The following NHLRC2 variants were observed in gnomAD, a reference collection of about 807,000 sequenced individuals.
The protein encoded by NHLRC2 is NHL repeat containing 2.
A neutral mutation model predicts 68.1 loss-of-function variants in NHLRC2; 33 were observed. That is an observed-to-expected ratio of 0.48 (90% CI 0.37 to 0.65). The LOEUF is 0.65. Ranked by LOEUF, NHLRC2 falls within the 30% of genes least tolerant of loss-of-function variation. NHLRC2 has a pLI of 0.00. For synonymous variants in NHLRC2, 311 were observed against 309.6 expected, an observed-to-expected ratio of 1.00 and a Z score of -0.05; for missense variants, 761 against 853.8, an observed-to-expected ratio of 0.89 and a Z score of 1.35.
intron 3 of NHLRC2, among the ~76,000 whole-genome samples, chr10:113,879,211 C>T (rs1846014356): frequency 6.6e-6 from 1 of 152,052 alleles, no homozygotes; most frequent in South Asian, 2.1e-4. Context: ...GGAAAGGGCT[C>T]ATAATTTTCA....
At chr10:113,871,602 A>G (rs1487577975) in intron 2 of NHLRC2, among the ~76,000 whole-genome samples, 2 of 152,156 alleles carry the variant, frequency 1.3e-5, no homozygotes, top group African/African-American at 4.8e-5. Flanking sequence ...CTGTTTTTAT[A>G]CCAGTTTCTG....
rs1204774026 is a variant in NHLRC2 at position 113,913,842 on chromosome 10, G to GTTTTTTTTTT, written c.*5310_*5311insTTTTTTTTTT. ...GCATTAGGTACTTTTTGTTGTTGTTGTTTTGTTTTTTTTTTTTTTTTTTGA... is the reference window on the plus strand; with the variant it reads ...GCATTAGGTACTTTTTGTTGTTGTTGTTTTTTTTTTTTTTGTTTTTTTTTTTTTTTTTTGA... On this transcript the variant is annotated 3_prime_UTR_variant, in exon 11 of 11. Coordinates refer to ENST00000369301, the MANE Select transcript of NHLRC2 (RefSeq NM_198514.4). The GTTTTTTTTTT allele has an allele frequency of 7.4e-6, 1 of 134,982 alleles. No individual in the cohort carries two copies. The highest frequency in any genetic ancestry group is 2.8e-5 in the African/African-American group (1 of 35,374). 8.4% of individuals were successfully genotyped at this position (134,982 alleles called of 1,614,324 possible).
At chr10:113,881,075 T>C (rs75826777) in intron 4 of NHLRC2, among the ~76,000 whole-genome samples, 2,537 of 151,960 alleles carry the variant, frequency 0.017, 67 homozygotes, top group African/African-American at 0.056. Flanking sequence ...AAGTGGTTTT[T>C]TAAATTACTA....
chr10:113,892,835 C>G (rs1846145074), intron 5 of NHLRC2, among the ~76,000 whole-genome samples: 1 of 152,062 alleles, frequency 6.6e-6, no homozygotes, highest in South Asian at 2.1e-4. Context: ...CTCTTTATAC[C>G]TCAACTTCCC....
Position 113,911,722 on chromosome 10 carries a change from A to G in NHLRC2, c.*3186A>G, listed in dbSNP as rs1422939906. The G allele has an allele frequency of 2.6e-5, 4 of 152,170 alleles. No individual in the cohort carries two copies. The highest frequency in any genetic ancestry group is 5.9e-5 in the Non-Finnish European group (4 of 67,990). 9.4% of individuals were successfully genotyped at this position (152,170 alleles called of 1,614,324 possible). On this transcript the variant is annotated 3_prime_UTR_variant, in exon 11 of 11. Coordinates refer to ENST00000369301, the MANE Select transcript of NHLRC2 (RefSeq NM_198514.4). ...TTTATGTCTACCAGTTAAAAATACGATAGTTAGATTTGGCATCACGTTTAA... is the reference window on the plus strand; with the variant it reads ...TTTATGTCTACCAGTTAAAAATACGGTAGTTAGATTTGGCATCACGTTTAA...
intron 4 of NHLRC2, among the ~76,000 whole-genome samples, chr10:113,882,152 A>G (rs539947922): frequency 6.6e-6 from 1 of 151,774 alleles, no homozygotes; most frequent in Non-Finnish European, 1.5e-5. Context: ...GTTATGAATA[A>G]TCTTGCTGTG....
rs547021189 is a variant in NHLRC2 at position 113,870,101 on chromosome 10, C to G, written c.332-6420C>G. Among the ~76,000 whole-genome samples the G allele has an allele frequency of 3.9e-5, 6 of 152,258 alleles. No homozygotes were observed. The South Asian group carries it at 1.2e-3, about 32-fold the overall frequency. On this transcript the variant is annotated intron_variant, in intron 2 of 10. Transcript: ENST00000369301. ...TATGGTGTTTTTGCTTCTAGTTTCT[C>G]AAATAATTCAGAAATTACTTAGGCT...
intron 2 of NHLRC2, among the ~76,000 whole-genome samples, chr10:113,866,562 T>C (rs1845869294): frequency 6.6e-6 from 1 of 152,164 alleles, no homozygotes; most frequent in Admixed American, 6.5e-5. Context: ...AAAATCTGAA[T>C]TTCTTATTAC....
rs1458574319 is a variant in NHLRC2, at chr10:113,913,991, A to G, written c.*5455A>G. 6.6e-6 allele frequency: 1 copy of G among 150,840 alleles called. No individual in the cohort carries two copies. Among genetic ancestry groups the G allele is most frequent in the Non-Finnish European group, 1.5e-5 (1 of 67,872 alleles). 9.3% of individuals were successfully genotyped at this position (150,840 alleles called of 1,614,324 possible). A position where few individuals can be genotyped will look rare whatever the true frequency, so the allele number is the denominator to read the frequency against. On this transcript the variant is annotated 3_prime_UTR_variant, in exon 11 of 11. Coordinates refer to ENST00000369301, the MANE Select transcript of NHLRC2 (RefSeq NM_198514.4). ...GCCTCCCAAGTAGCTGGCGCTCACC[A>G]CTACTGGTGCCCACCACAATGCCCG...
intron 2 of NHLRC2, among the ~76,000 whole-genome samples, chr10:113,859,067 T>C (rs184109216): frequency 3.9e-5 from 6 of 152,274 alleles, no homozygotes; most frequent in Admixed American, 2.6e-4. Context: ...AAAGTTCTTA[T>C]TAGGAAATGT....
In NHLRC2 at chr10:113,911,579, A is replaced by T. The variant is rs1357411035; in HGVS notation, c.*3043A>T. Reference sequence around the variant, plus strand: ...ATGGCCAATATACTTTTGAGCTTGTATAACTGAGATAAGTTACTCTTTGCT... The same window carrying T: ...ATGGCCAATATACTTTTGAGCTTGTTTAACTGAGATAAGTTACTCTTTGCT... On this transcript the variant is annotated 3_prime_UTR_variant, in exon 11 of 11. Coordinates refer to ENST00000369301, the MANE Select transcript of NHLRC2 (RefSeq NM_198514.4). 1 of 152,162 alleles carries T rather than the reference A, an allele frequency of 6.6e-6. No individual in the cohort carries two copies. The highest frequency in any genetic ancestry group is 2.4e-5 in the African/African-American group (1 of 41,466). 9.4% of individuals were successfully genotyped at this position (152,162 alleles called of 1,614,324 possible).
At chr10:113,899,206 C>T (rs904945819) in intron 6 of NHLRC2, among the ~76,000 whole-genome samples, 1 of 152,140 alleles carries the variant, frequency 6.6e-6, no homozygotes, top group Non-Finnish European at 1.5e-5. Context: ...AAAGGATCCT[C>T]TCCCATTCAT....
intron 2 of NHLRC2, among the ~76,000 whole-genome samples, chr10:113,860,890 G>A (rs186757365): frequency 6.6e-6 from 1 of 152,318 alleles, no homozygotes; most frequent in Admixed American, 6.5e-5. Context: ...TAGCACAGCA[G>A]ATGGTCCCTG....
At position 113,913,790 on chromosome 10, in the gene NHLRC2, A is replaced by C; in HGVS notation, c.*5254A>C. ...AATATATGCAATTCTGTTACAGTAA[A>C]GTTTTCACCATGGTCAACCTATTCC... On this transcript the variant is annotated 3_prime_UTR_variant, in exon 11 of 11. Transcript: ENST00000369301. The C allele has an allele frequency of 6.6e-6, 1 of 151,550 alleles. No individual in the cohort carries two copies. The highest frequency in any genetic ancestry group is 1.9e-4 in the East Asian group (1 of 5,190). The allele number at this position is 151,550 out of a possible 1,614,324, so 9.4% of individuals were successfully genotyped here. A position where few individuals can be genotyped will look rare whatever the true frequency, so the allele number is the denominator to read the frequency against.
Position 113,876,725 on chromosome 10 carries a change from T to C in NHLRC2, c.536T>C (p.Ile179Thr). The C allele has an allele frequency of 6.2e-7, 1 of 1,613,638 alleles. No individual in the cohort carries two copies. Among genetic ancestry groups the C allele is most frequent in the Non-Finnish European group, 8.5e-7 (1 of 1,179,628 alleles). ...CGTGGAAACATGTTGTTTTCTTTGA[T>C]TGGAGAGGGACACAAAGATAAATTA... ...GPRGNMLFSLIGEGHKDKLFL... is the reference protein window; with the variant it reads ...GPRGNMLFSLTGEGHKDKLFL... The change falls in exon 3 of 11, where the codon ATT (isoleucine) becomes ACT (threonine). Residue 179 changes from isoleucine to threonine, a missense_variant. Coordinates refer to ENST00000369301, the MANE Select transcript of NHLRC2 (RefSeq NM_198514.4).
At chr10:113,895,838 A>G (rs1003809893) in intron 5 of NHLRC2, among the ~76,000 whole-genome samples, 1 of 152,204 alleles carries the variant, frequency 6.6e-6, no homozygotes, top group South Asian at 2.1e-4. Flanking sequence ...TTAGTGGTCT[A>G]TCACATTACC....
At chr10:113,876,408 T>G (rs1845980502) in intron 2 of NHLRC2, 113 bp from the exon 3 acceptor site, 2 of 569,962 alleles carry the variant, frequency 3.5e-6, no homozygotes, top group South Asian at 6.3e-5. Context: ...CTACTTTTCG[T>G]TTTTTTTTAA....
chr10:113,883,384 G>A (rs983558548), intron 4 of NHLRC2, among the ~76,000 whole-genome samples: 4 of 151,856 alleles, frequency 2.6e-5, no homozygotes, highest in Non-Finnish European at 5.9e-5. Context: ...ATTTTCTCCA[G>A]AAGTTTAATA....
At chr10:113,882,444 T>A (rs1846043601) in intron 4 of NHLRC2, among the ~76,000 whole-genome samples, 1 of 151,820 alleles carries the variant, frequency 6.6e-6, no homozygotes, top group South Asian at 2.1e-4. Flanking sequence ...TGCATTTCCC[T>A]TATGACTAAT....
Sources: gnomAD v4.1 joint callset for allele counts (sites outside exome capture counted in the v4.1 genomes callset) on GRCh38, gnomAD v4.1.1 for gene constraint, MANE v1.5 for transcripts, NCBI Gene and HGNC (gene_info 2026-07-23, HGNC 2026-07-21) for gene names.